KCND2: variants seen among roughly 807,000 people sequenced by gnomAD.
The protein encoded by KCND2 is A-type voltage-gated potassium channel KCND2.
Under a neutral mutation model 54.4 loss-of-function variants are expected in KCND2, and 16 were observed. The observed-to-expected ratio is 0.29, with a 90% confidence interval of 0.20 to 0.45. KCND2 has a LOEUF of 0.45. Among genes scored for constraint, KCND2 ranks in the 20% least tolerant of loss-of-function variants. KCND2 has a pLI of 1.00. For missense variants in KCND2, 486 were observed against 824.2 expected, an observed-to-expected ratio of 0.59 and a Z score of 5.02; for synonymous variants, 317 against 310.7, an observed-to-expected ratio of 1.02 and a Z score of -0.21.
intron 1 of KCND2, among the ~76,000 whole-genome samples, chr7:120,681,207 A>C (rs1254177198): frequency 6.6e-6 from 1 of 152,070 alleles, no homozygotes; most frequent in Non-Finnish European, 1.5e-5. Context: ...TGCTGGACTG[A>C]GGTCAGGATT....
intron 1 of KCND2, among the ~76,000 whole-genome samples, chr7:120,464,796 C>CT (rs1802344477): frequency 6.6e-6 from 1 of 152,190 alleles, no homozygotes; most frequent in African/African-American, 2.4e-5. Flanking sequence ...AGCCACCTGC[C>CT]TTCTTTCTCA....
chr7:120,367,111 A>T (rs1289899332), intron 1 of KCND2, among the ~76,000 whole-genome samples: 3 of 152,098 alleles, frequency 2.0e-5, no homozygotes, highest in Admixed American at 1.3e-4. Flanking sequence ...ATGATACATT[A>T]TCCTTCCCAG....
intron 1 of KCND2, among the ~76,000 whole-genome samples, chr7:120,536,832 G>A (rs983865587): frequency 6.6e-6 from 1 of 152,044 alleles, no homozygotes; most frequent in African/African-American, 2.4e-5. Flanking sequence ...ACCCATGAGG[G>A]ATGTAATAAA....
chr7:120,339,472 T>C (rs1800207135), intron 1 of KCND2, among the ~76,000 whole-genome samples: 1 of 151,868 alleles, frequency 6.6e-6, no homozygotes, highest in Non-Finnish European at 1.5e-5. Flanking sequence ...TTTCAATTAG[T>C]GAGGACAGAT....
intron 1 of KCND2, among the ~76,000 whole-genome samples, chr7:120,648,790 C>T (rs767627610): frequency 6.6e-6 from 1 of 152,160 alleles, no homozygotes; most frequent in Non-Finnish European, 1.5e-5. Context: ...CATAACTCAC[C>T]TTTGTACTTC....
At chr7:120,669,510 A>G (rs1331133368) in intron 1 of KCND2, among the ~76,000 whole-genome samples, 3 of 152,132 alleles carry the variant, frequency 2.0e-5, no homozygotes, top group Non-Finnish European at 4.4e-5. Context: ...CTATTTAACT[A>G]CATATCCCAG....
intron 1 of KCND2, among the ~76,000 whole-genome samples, chr7:120,618,677 G>T (rs1041559936): frequency 1.3e-5 from 2 of 151,996 alleles, no homozygotes; most frequent in Non-Finnish European, 2.9e-5. Flanking sequence ...AATTTACACG[G>T]AACTGTTAAA....
At chr7:120,672,930 C>G (rs1282603533) in intron 1 of KCND2, 1 of 151,976 alleles carries the variant, frequency 6.6e-6, no homozygotes, top group Non-Finnish European at 1.5e-5. Context: ...TAGCACAGCC[C>G]TTGTGCAAGG....
chr7:120,314,231 T>C (rs1456402566), intron 1 of KCND2, among the ~76,000 whole-genome samples: 2 of 151,954 alleles, frequency 1.3e-5, no homozygotes, highest in Admixed American at 1.3e-4. Flanking sequence ...ATAGGAAATA[T>C]GTTTATTTTC....
chr7:120,320,222 G>C (rs1199037596), intron 1 of KCND2, among the ~76,000 whole-genome samples: 2 of 152,008 alleles, frequency 1.3e-5, no homozygotes, highest in Admixed American at 1.3e-4. Flanking sequence ...GTATAATAAT[G>C]GATTGTATAG....
intron 1 of KCND2, among the ~76,000 whole-genome samples, chr7:120,276,826 A>C (rs1799183749): frequency 6.6e-6 from 1 of 152,124 alleles, no homozygotes; most frequent in African/African-American, 2.4e-5. Flanking sequence ...AAATGGTTAG[A>C]TCTTTTTACT....
intron 1 of KCND2, among the ~76,000 whole-genome samples, chr7:120,458,255 GT>G (rs1317108286): frequency 6.6e-6 from 1 of 152,174 alleles, no homozygotes; most frequent in Non-Finnish European, 1.5e-5. Context: ...GTTATACTAT[GT>G]TTTTTATGTA....
chr7:120,414,187 A>C (rs994031919), intron 1 of KCND2, among the ~76,000 whole-genome samples: 1 of 152,070 alleles, frequency 6.6e-6, no homozygotes, highest in African/African-American at 2.4e-5. Context: ...AACAGTGACA[A>C]AAAAGATGCA....
At chr7:120,440,042 G>A (rs1275456193) in intron 1 of KCND2, among the ~76,000 whole-genome samples, 1 of 151,978 alleles carries the variant, frequency 6.6e-6, no homozygotes, top group African/African-American at 2.4e-5. Flanking sequence ...TCATATGGCA[G>A]TTCTATTTTT....
intron 1 of KCND2, among the ~76,000 whole-genome samples, chr7:120,612,510 A>T (rs1485663331): frequency 2.6e-5 from 4 of 152,236 alleles, no homozygotes; most frequent in African/African-American, 9.6e-5. Flanking sequence ...ACTGCATTTC[A>T]CATGAGACAT....
intron 1 of KCND2, among the ~76,000 whole-genome samples, chr7:120,429,196 T>C (rs1328136428): frequency 6.6e-6 from 1 of 152,228 alleles, no homozygotes; most frequent in African/African-American, 2.4e-5. Flanking sequence ...CATAATATTA[T>C]TAAGATGTTA....
chr7:120,359,162 A>T (rs1800553485), intron 1 of KCND2, among the ~76,000 whole-genome samples: 1 of 152,162 alleles, frequency 6.6e-6, no homozygotes. Flanking sequence ...AAGGAAAAAG[A>T]TTGAGCTCTG....
intron 1 of KCND2, among the ~76,000 whole-genome samples, chr7:120,498,870 G>A (rs568828635): frequency 5.9e-5 from 9 of 152,234 alleles, no homozygotes; most frequent in South Asian, 4.1e-4. Context: ...AATGTTGTCC[G>A]TGAGAATTAA....
At chr7:120,281,726 C>G (rs1799266605) in intron 1 of KCND2, among the ~76,000 whole-genome samples, 1 of 152,104 alleles carries the variant, frequency 6.6e-6, no homozygotes, top group Non-Finnish European at 1.5e-5. Context: ...TAGTTCGGTG[C>G]TCAAATGTAG....
Sources: allele counts gnomAD v4.1 joint callset (sites outside exome capture counted in the v4.1 genomes callset), GRCh38; gene constraint gnomAD v4.1.1; transcripts MANE v1.5; gene names NCBI Gene and HGNC (gene_info 2026-07-23, HGNC 2026-07-21).